The following NFIB variants were observed in gnomAD, a reference collection of about 807,000 sequenced individuals.
The protein encoded by NFIB is nuclear factor I B, also known as nuclear factor 1 B-type.
In NFIB, 11 loss-of-function variants were observed where a neutral mutation model predicts 61.5. The ratio of observed to expected loss-of-function variants is 0.18; its 90% CI spans 0.11 to 0.30. The LOEUF is 0.30. NFIB is among the 10% of genes least tolerant of loss of function. NFIB has a pLI of 1.00. For synonymous variants in NFIB, 260 were observed against 216.5 expected, an observed-to-expected ratio of 1.20 and a Z score of -1.76; for missense variants, 471 against 608.9, an observed-to-expected ratio of 0.77 and a Z score of 2.38.
At chr9:14,284,288 A>T (rs1390416487) in intron 2 of NFIB, among the ~76,000 whole-genome samples, 2 of 152,314 alleles carry the variant, frequency 1.3e-5, no homozygotes, top group East Asian at 3.9e-4. Context: ...TAATTATAAA[A>T]CAGTAATAAT....
chr9:14,194,656 G>C (rs999565274), intron 2 of NFIB, among the ~76,000 whole-genome samples: 14 of 152,106 alleles, frequency 9.2e-5, no homozygotes, highest in Admixed American at 9.2e-4. Flanking sequence ...CATAGGAATA[G>C]ATAATTCAAT....
At chr9:14,399,257 A>G (rs1205575556), upstream of NFIB, among the ~76,000 whole-genome samples, 1 of 152,248 alleles carries the variant, frequency 6.6e-6, no homozygotes, top group Non-Finnish European at 1.5e-5. Context: ...TAAGGCTCAC[A>G]TTATATATTT....
the NFIB span, among the ~76,000 whole-genome samples, chr9:14,451,726 A>C: frequency 1.3e-5 from 2 of 152,194 alleles, no homozygotes; most frequent in East Asian, 3.8e-4. Flanking sequence ...CCCATTTAAC[A>C]TAGAATATGA....
At chr9:14,491,742 C>T in the NFIB span, among the ~76,000 whole-genome samples, 1 of 152,062 alleles carries the variant, frequency 6.6e-6, no homozygotes, top group Admixed American at 6.5e-5. Context: ...TCAAAGCCTC[C>T]CCCCTCCATT....
chr9:14,361,072 A>G (rs2061234371), intron 1 of NFIB, among the ~76,000 whole-genome samples: 1 of 152,116 alleles, frequency 6.6e-6, no homozygotes, highest in Non-Finnish European at 1.5e-5. Context: ...GAGATTTCAA[A>G]TTAATTTTGT....
At chr9:14,336,130 A>G (rs183207363) in intron 1 of NFIB, among the ~76,000 whole-genome samples, 3 of 152,356 alleles carry the variant, frequency 2.0e-5, no homozygotes, top group Admixed American at 2.0e-4. Context: ...TTGTGCCTTC[A>G]ATATTATCTT....
chr9:14,516,952 A>G, the NFIB span, among the ~76,000 whole-genome samples: 1 of 152,228 alleles, frequency 6.6e-6, no homozygotes, highest in Non-Finnish European at 1.5e-5. Context: ...ACAAAACATG[A>G]TAGAGTAGAA....
chr9:14,484,494 A>G, the NFIB span, among the ~76,000 whole-genome samples: 1 of 152,320 alleles, frequency 6.6e-6, no homozygotes, highest in African/African-American at 2.4e-5. Flanking sequence ...ATGTGTTTTT[A>G]TAAGTAACCA....
chr9:14,235,422 T>C (rs1429420690), intron 2 of NFIB, among the ~76,000 whole-genome samples: 1 of 152,190 alleles, frequency 6.6e-6, no homozygotes, highest in Admixed American at 6.5e-5. Flanking sequence ...ATGATTAGAA[T>C]AGATAATAAA....
At chr9:14,337,449 T>A (rs2060897953) in intron 1 of NFIB, among the ~76,000 whole-genome samples, 1 of 152,242 alleles carries the variant, frequency 6.6e-6, no homozygotes, top group East Asian at 1.9e-4. Context: ...TAATAATGGT[T>A]ACCTCTCAGG....
At chr9:14,517,627 G>C in the NFIB span, among the ~76,000 whole-genome samples, 19 of 150,738 alleles carry the variant, frequency 1.3e-4, no homozygotes, top group Admixed American at 1.2e-3. Context: ...GGTCGTGGTG[G>C]TGTATGTGTA....
At chr9:14,224,756 G>T (rs532112217) in intron 2 of NFIB, among the ~76,000 whole-genome samples, 17 of 152,096 alleles carry the variant, frequency 1.1e-4, no homozygotes, top group African/African-American at 4.1e-4. Context: ...GGGTTGGGGC[G>T]GTCCTAGAAC....
At chr9:14,216,487 A>C (rs1174682802) in intron 2 of NFIB, among the ~76,000 whole-genome samples, 4 of 133,496 alleles carry the variant, frequency 3.0e-5, no homozygotes, top group African/African-American at 1.2e-4. Flanking sequence ...AAGGTTCTCC[A>C]TTCTTTCTCT....
chr9:14,266,539 G>A (rs1208377324), intron 2 of NFIB, among the ~76,000 whole-genome samples: 1 of 151,970 alleles, frequency 6.6e-6, no homozygotes, highest in Admixed American at 6.6e-5. Context: ...AGGCTGCAAG[G>A]AGCCACGGTC....
chr9:14,337,286 T>G lies in NFIB; in HGVS notation c.109-29766A>C, dbSNP rs72700525. On this transcript the variant is annotated intron_variant, in intron 1 of 8. Transcript: ENST00000380934. Reference sequence around the variant, plus strand: ...CAGAATGGATAAATGCATTGTATTATTTATATACAACACACGGTTGAAAGA... The same window carrying G: ...CAGAATGGATAAATGCATTGTATTAGTTATATACAACACACGGTTGAAAGA... Among the ~76,000 whole-genome samples, 227 of 152,330 alleles carry G rather than the reference T, an allele frequency of 1.5e-3. 1 individual carries two copies. The highest frequency in any genetic ancestry group is 3.0e-3 in the Non-Finnish European group (201 of 68,030).
chr9:14,259,520 A>G (rs1350997231), intron 2 of NFIB, among the ~76,000 whole-genome samples: 3 of 152,210 alleles, frequency 2.0e-5, no homozygotes, highest in African/African-American at 4.8e-5. Context: ...AGTTTCTCAC[A>G]TAAGCATGGG....
At chr9:14,503,273 A>G in the NFIB span, among the ~76,000 whole-genome samples, 2 of 151,944 alleles carry the variant, frequency 1.3e-5, no homozygotes, top group Non-Finnish European at 2.9e-5. Flanking sequence ...TATCTTTTTC[A>G]TGTAATGACT....
rs2032912559 is a variant in NFIB, at chr9:14,086,689, C to G, written c.*1620G>C. The G allele has an allele frequency of 4.8e-6, 1 of 209,716 alleles. No individual in the cohort carries two copies. The highest frequency in any genetic ancestry group is 5.9e-5 in the Admixed American group (1 of 16,852). 13.0% of individuals were successfully genotyped at this position (209,716 alleles called of 1,614,324 possible). A position where few individuals can be genotyped will look rare whatever the true frequency, so the allele number is the denominator to read the frequency against. On this transcript the variant is annotated 3_prime_UTR_variant, in exon 11 of 11. Coordinates refer to ENST00000380953, the MANE Select transcript of NFIB (RefSeq NM_001190737.2). ...CACACATTTTTCTTCGTCTGGAGTACAAAATATTTTGTCATAAAAATGGTA... is the reference window on the plus strand; with the variant it reads ...CACACATTTTTCTTCGTCTGGAGTAGAAAATATTTTGTCATAAAAATGGTA...
chr9:14,324,316 G>T (rs2060726763), intron 1 of NFIB, among the ~76,000 whole-genome samples: 1 of 152,098 alleles, frequency 6.6e-6, no homozygotes, highest in Non-Finnish European at 1.5e-5. Flanking sequence ...ATTCTATGCA[G>T]CTAAATAAAA....
Sources: gnomAD v4.1 joint callset for allele counts (sites outside exome capture counted in the v4.1 genomes callset) on GRCh38, gnomAD v4.1.1 for gene constraint, MANE v1.5 for transcripts, NCBI Gene and HGNC (gene_info 2026-07-23, HGNC 2026-07-21) for gene names.